Variants in IFT57 observed in about 807,000 individuals in gnomAD.
The protein encoded by IFT57 is intraflagellar transport 57, also known as intraflagellar transport protein 57 homolog.
In IFT57, 59 loss-of-function variants were observed where a neutral mutation model predicts 56.8. That is an observed-to-expected ratio of 1.04 (90% confidence interval 0.84 to 1.29). The LOEUF is 1.29. Ranked by LOEUF, IFT57 falls within the 50% of genes most tolerant of loss-of-function variation. IFT57 has a pLI of 0.00. For synonymous variants in IFT57, 209 were observed against 186.1 expected (o/e 1.12, Z -1.00); for missense variants, 470 against 522.1 (o/e 0.90, Z 0.97).
intron 2 of IFT57, 79 bp downstream of exon 2, chr3:108,219,331 G>T: frequency 8.4e-7 from 1 of 1,190,066 alleles, no homozygotes; most frequent in Non-Finnish European, 1.2e-6. Flanking sequence ...CATCTAAATG[G>T]CTAGCATTTG....
intron 6 of IFT57, among the ~76,000 whole-genome samples, chr3:108,179,229 G>C (rs778202855): frequency 3.3e-5 from 5 of 151,850 alleles, no homozygotes; most frequent in Non-Finnish European, 7.4e-5. Context: ...GTGGTAGAAA[G>C]GTAGGGCCAA....
intron 6 of IFT57, among the ~76,000 whole-genome samples, chr3:108,175,565 G>A (rs1260975520): frequency 1.3e-5 from 2 of 151,706 alleles, no homozygotes; most frequent in African/African-American, 4.8e-5. Flanking sequence ...AAGGTGACTC[G>A]CAAGACTATA....
chr3:108,213,973 A>G lies in IFT57; in HGVS notation c.543T>C (p.Asp181=). The G allele has an allele frequency of 6.2e-7, 1 of 1,610,542 alleles. No individual in the cohort carries two copies. The highest frequency in any genetic ancestry group is 8.5e-7 in the Non-Finnish European group (1 of 1,177,050). Residue 181 remains aspartate, a synonymous_variant, in exon 4 of 11, where the codon GAT becomes GAC. Transcript: ENST00000264538. ...CTTTATTTAATGTTAATTCTGCATCATCTTCTGCAACGCTTTCTTCTTCTA... is the reference window on the plus strand; with the variant it reads ...CTTTATTTAATGTTAATTCTGCATCGTCTTCTGCAACGCTTTCTTCTTCTA... ...EELEEESVAE[D]DAELTLNKVD...
At chr3:108,174,672 A>C (rs1328879809) in intron 6 of IFT57, among the ~76,000 whole-genome samples, 1 of 151,752 alleles carries the variant, frequency 6.6e-6, no homozygotes, top group Non-Finnish European at 1.5e-5. Flanking sequence ...TAGCCAGTGG[A>C]ATGATGGTGG....
At chr3:108,214,919 C>T (rs1034616061) in intron 3 of IFT57, among the ~76,000 whole-genome samples, 1 of 152,132 alleles carries the variant, frequency 6.6e-6, no homozygotes, top group African/African-American at 2.4e-5. Context: ...TTTTCCTGCA[C>T]AGACCCTAGC....
chr3:108,163,865 A>AT, intron 9 of IFT57, 136 bp from the exon 10 acceptor site: 2 of 604,788 alleles, frequency 3.3e-6, no homozygotes, highest in Admixed American at 5.9e-5. Context: ...TATTTTGGAC[A>AT]TAATTCAAAT....
At chr3:108,185,416 G>C (rs967728385) in intron 6 of IFT57, among the ~76,000 whole-genome samples, 1 of 152,170 alleles carries the variant, frequency 6.6e-6, no homozygotes, top group Non-Finnish European at 1.5e-5. Flanking sequence ...TGAGTTCCTA[G>C]GTGCCATTAA....
At chr3:108,205,981 A>C (rs28370399) in intron 5 of IFT57, among the ~76,000 whole-genome samples, 1 of 33,174 alleles carries the variant, frequency 3.0e-5, no homozygotes, top group African/African-American at 6.5e-5. Context: ...TTTATATATA[A>C]TATATAATAT....
At chr3:108,170,260 G>A (rs369948526) in intron 6 of IFT57, among the ~76,000 whole-genome samples, 7 of 151,664 alleles carry the variant, frequency 4.6e-5, no homozygotes, top group East Asian at 1.9e-4. Context: ...CCTATGTCTC[G>A]GCCCCAAAAC....
intron 6 of IFT57, among the ~76,000 whole-genome samples, chr3:108,190,871 C>T (rs1347353806): frequency 6.6e-6 from 1 of 152,188 alleles, no homozygotes; most frequent in South Asian, 2.1e-4. Context: ...TGGCTCACTG[C>T]AACCTCTGCC....
In IFT57 at chr3:108,162,613, T is replaced by C; in HGVS notation, c.1154A>G (p.Gln385Arg). The change falls in exon 11 of 11, where the codon CAA becomes CGA. Residue 385 changes from glutamine to arginine, a missense_variant. Physicochemically the swap from Gln to Arg is conservative, Grantham distance 43. Coordinates refer to ENST00000264538, the MANE Select transcript of IFT57 (RefSeq NM_018010.4). Reference sequence around the variant, plus strand: ...TCTAATGTCCATCTCTACAGTTTCTTGCTTCAGTTTTGTTAAGCTCTGTTT... The same window carrying C: ...TCTAATGTCCATCTCTACAGTTTCTCGCTTCAGTTTTGTTAAGCTCTGTTT... ...KIKQSLTKLK[Q>R]ETVEMDIRIG... is the part of the protein sequence containing the mutation. 6.2e-7 allele frequency: 1 copy of C among 1,611,606 alleles called. No individual in the cohort carries two copies.
chr3:108,207,257 A>G (rs1419719135), intron 4 of IFT57, among the ~76,000 whole-genome samples: 1 of 152,196 alleles, frequency 6.6e-6, no homozygotes, highest in East Asian at 1.9e-4. Context: ...AGGATAGTAT[A>G]GGTGGATGCC....
At chr3:108,209,528 G>T (rs1458759912) in intron 4 of IFT57, among the ~76,000 whole-genome samples, 2 of 152,180 alleles carry the variant, frequency 1.3e-5, no homozygotes, top group Admixed American at 6.6e-5. Flanking sequence ...GCCACAAGGT[G>T]CCTTGGTGTT....
intron 5 of IFT57, among the ~76,000 whole-genome samples, chr3:108,201,362 A>G (rs892671392): frequency 6.6e-6 from 1 of 152,238 alleles, no homozygotes; most frequent in African/African-American, 2.4e-5. Flanking sequence ...ACACCCAGCA[A>G]GAAGTGCCAT....
At chr3:108,163,932 TA>T (rs2080047496) in intron 9 of IFT57, among the ~76,000 whole-genome samples, 1 of 152,088 alleles carries the variant, frequency 6.6e-6, no homozygotes, top group African/African-American at 2.4e-5. Context: ...CTCCTAATGT[TA>T]AACTTCACCA....
At chr3:108,209,454 C>A (rs1032558924) in intron 4 of IFT57, among the ~76,000 whole-genome samples, 3 of 152,082 alleles carry the variant, frequency 2.0e-5, no homozygotes, top group African/African-American at 7.2e-5. Flanking sequence ...AGAAGATGTA[C>A]ATGGATGGTA....
chr3:108,216,327 A>G (rs1280264783), intron 3 of IFT57, among the ~76,000 whole-genome samples: 2 of 152,208 alleles, frequency 1.3e-5, no homozygotes, highest in African/African-American at 4.8e-5. Context: ...CTTAATAGAC[A>G]TTTCTCAAAA....
intron 3 of IFT57, among the ~76,000 whole-genome samples, chr3:108,217,384 T>C (rs1462199916): frequency 6.6e-6 from 1 of 152,054 alleles, no homozygotes; most frequent in Non-Finnish European, 1.5e-5. Flanking sequence ...AATTTAGCAG[T>C]TTTTTAAAAT....
chr3:108,187,420 T>A (rs2080190191), intron 6 of IFT57, among the ~76,000 whole-genome samples: 1 of 152,138 alleles, frequency 6.6e-6, no homozygotes, highest in African/African-American at 2.4e-5. Context: ...TCAAAGCACA[T>A]ACATTGAAAT....
Sources: gnomAD v4.1 joint callset for allele counts (sites outside exome capture counted in the v4.1 genomes callset) on GRCh38, gnomAD v4.1.1 for gene constraint, MANE v1.5 for transcripts, NCBI Gene and HGNC (gene_info 2026-07-23, HGNC 2026-07-21) for gene names.